ATG5: variants seen among roughly 807,000 people sequenced by gnomAD.
ATG5 encodes autophagy related 5.
In ATG5, 14 loss-of-function variants were observed where a neutral mutation model predicts 36.5. That is an observed-to-expected ratio of 0.38 (90% CI 0.25 to 0.60). ATG5 has a LOEUF of 0.60. ATG5 is among the 20% of genes least tolerant of loss of function. The probability of loss-of-function intolerance (pLI) is 0.60; values close to 1 mark genes in which losing one functional copy is unlikely to be tolerated. For missense variants in ATG5, 195 were observed against 326.7 expected, an observed-to-expected ratio of 0.60 and a Z score of 3.11; for synonymous variants, 95 against 101.5, an observed-to-expected ratio of 0.94 and a Z score of 0.38.
intron 5 of ATG5, among the ~76,000 whole-genome samples, chr6:106,262,110 T>C (rs1779043040): frequency 6.6e-6 from 1 of 152,220 alleles, no homozygotes; most frequent in Admixed American, 6.5e-5. Context: ...TCTCGCTCTG[T>C]CACCCAGGCT....
intron 5 of ATG5, among the ~76,000 whole-genome samples, chr6:106,257,120 C>G (rs1778831765): frequency 6.6e-6 from 1 of 152,104 alleles, no homozygotes. Flanking sequence ...GGAGGATCAT[C>G]AATATCACTG....
At chr6:106,272,704 GC>G (rs1020194360) in intron 5 of ATG5, among the ~76,000 whole-genome samples, 10 of 152,216 alleles carry the variant, frequency 6.6e-5, no homozygotes, top group African/African-American at 2.4e-4. Flanking sequence ...CCTGTGCTTA[GC>G]ACAGAGGCTG....
intron 1 of ATG5, among the ~76,000 whole-genome samples, chr6:106,323,100 T>G (rs902936513): frequency 1.3e-5 from 2 of 151,530 alleles, no homozygotes; most frequent in African/African-American, 4.9e-5. Context: ...TTTTTGTTTG[T>G]TTGTTTTTTT....
chr6:106,236,359 T>C (rs751862137), intron 6 of ATG5, among the ~76,000 whole-genome samples: 1 of 152,190 alleles, frequency 6.6e-6, no homozygotes, highest in Non-Finnish European at 1.5e-5. Flanking sequence ...GTTAGAACTG[T>C]TGGATCAGAA....
chr6:106,258,451 C>A (rs1455081768), intron 5 of ATG5, among the ~76,000 whole-genome samples: 1 of 152,050 alleles, frequency 6.6e-6, no homozygotes, highest in African/African-American at 2.4e-5. Flanking sequence ...GCTGTTGGTT[C>A]TCATTACAGT....
chr6:106,272,718 A>G (rs1186214627), intron 5 of ATG5, among the ~76,000 whole-genome samples: 5 of 152,226 alleles, frequency 3.3e-5, no homozygotes. Flanking sequence ...AGAGGCTGGC[A>G]CATAGTAGGT....
chr6:106,268,540 G>C (rs151044927), intron 5 of ATG5, among the ~76,000 whole-genome samples: 73 of 152,232 alleles, frequency 4.8e-4, no homozygotes, highest in African/African-American at 1.6e-3. Context: ...ATTCCCAAAG[G>C]ATTATAAATC....
chr6:106,323,438 C>G (rs991900231), intron 1 of ATG5, among the ~76,000 whole-genome samples: 1 of 150,580 alleles, frequency 6.6e-6, no homozygotes, highest in African/African-American at 2.4e-5. Context: ...CTATGCCCAG[C>G]TAATTTTTTA....
chr6:106,305,278 T>C (rs567522417), intron 3 of ATG5, among the ~76,000 whole-genome samples: 5 of 152,302 alleles, frequency 3.3e-5, no homozygotes, highest in Non-Finnish European at 5.9e-5. Context: ...CTAACTTTAC[T>C]ATATGTACTA....
chr6:106,309,448 G>A (rs1277718575), intron 2 of ATG5, among the ~76,000 whole-genome samples: 1 of 152,102 alleles, frequency 6.6e-6, no homozygotes, highest in Non-Finnish European at 1.5e-5. Flanking sequence ...ATGGGAGGGA[G>A]ATAGTTGGCA....
intron 7 of ATG5, among the ~76,000 whole-genome samples, chr6:106,198,287 G>T (rs1263220835): frequency 6.6e-6 from 1 of 152,146 alleles, no homozygotes; most frequent in Non-Finnish European, 1.5e-5. Context: ...AGGGGAACCA[G>T]GTTAGAGTTT....
chr6:106,210,422 A>T (rs1173225005), intron 6 of ATG5, among the ~76,000 whole-genome samples: 2 of 152,232 alleles, frequency 1.3e-5, no homozygotes, highest in East Asian at 3.8e-4. Flanking sequence ...AAAATCCTTT[A>T]AAAAGTATAA....
intron 1 of ATG5, among the ~76,000 whole-genome samples, chr6:106,322,497 C>T (rs1341802620): frequency 1.3e-5 from 2 of 152,200 alleles, no homozygotes; most frequent in African/African-American, 2.4e-5. Context: ...CACTTTCCTA[C>T]ATCACTATTC....
intron 6 of ATG5, among the ~76,000 whole-genome samples, chr6:106,237,631 C>G (rs1296744508): frequency 6.6e-6 from 1 of 152,188 alleles, no homozygotes; most frequent in Non-Finnish European, 1.5e-5. Context: ...AAAAATCACT[C>G]TACATCCCAT....
intron 6 of ATG5, among the ~76,000 whole-genome samples, chr6:106,244,721 A>G (rs1336353488): frequency 6.6e-6 from 1 of 152,252 alleles, no homozygotes; most frequent in African/African-American, 2.4e-5. Flanking sequence ...GGGGTCACAC[A>G]TAATATCGAT....
chr6:106,223,254 T>C (rs1777317176), intron 6 of ATG5, among the ~76,000 whole-genome samples: 1 of 152,186 alleles, frequency 6.6e-6, no homozygotes, highest in Non-Finnish European at 1.5e-5. Context: ...GTTCCTACTC[T>C]TATAACATGA....
intron 6 of ATG5, among the ~76,000 whole-genome samples, chr6:106,207,875 C>T (rs866752938): frequency 6.6e-6 from 1 of 152,112 alleles, no homozygotes; most frequent in Non-Finnish European, 1.5e-5. Flanking sequence ...GGGAGGATCA[C>T]GAGGTCGGGA....
intron 6 of ATG5, among the ~76,000 whole-genome samples, chr6:106,233,922 A>T (rs1421964427): frequency 6.6e-6 from 1 of 152,194 alleles, no homozygotes; most frequent in Non-Finnish European, 1.5e-5. Context: ...GCCCCATCAA[A>T]TAGGAGTTTA....
chr6:106,277,858 A>AT (rs1779722380), intron 5 of ATG5, among the ~76,000 whole-genome samples: 3 of 152,212 alleles, frequency 2.0e-5, no homozygotes. Context: ...ACTGAACAAT[A>AT]ACAAGTTAAA....
Sources: allele counts gnomAD v4.1 joint callset (sites outside exome capture counted in the v4.1 genomes callset), GRCh38; gene constraint gnomAD v4.1.1; transcripts MANE v1.5; gene names NCBI Gene and HGNC (gene_info 2026-07-23, HGNC 2026-07-21).